CCDC88C: variants seen among roughly 807,000 people sequenced by gnomAD.
CCDC88C encodes the protein coiled-coil and HOOK domain protein 88C, also known as protein Daple.
Under a neutral mutation model 198.8 loss-of-function variants are expected in CCDC88C, and 131 were observed. That is an observed-to-expected ratio of 0.66 (90% CI 0.57 to 0.76). The LOEUF is 0.76. Among genes scored for constraint, CCDC88C ranks in the 30% least tolerant of loss-of-function variants. The probability of loss-of-function intolerance (pLI) is 0.00; values close to 1 mark genes in which losing one functional copy is unlikely to be tolerated. For synonymous variants in CCDC88C, 1,166 were observed against 1,114.7 expected (o/e 1.05, Z -0.92); for missense variants, 2,553 against 2,631.6 (o/e 0.97, Z 0.65).
In CCDC88C at chr14:91,349,678, T is replaced by C. The variant is rs543865506; in HGVS notation, c.341-6021A>G. On this transcript the variant is annotated intron_variant, in intron 4 of 29. Transcript: ENST00000389857. Reference sequence around the variant, plus strand: ...CTAAGAAAAACCTTACCTTACTACCTGCTTCCTGGAGTCTTGACACAAAGA... The same window carrying C: ...CTAAGAAAAACCTTACCTTACTACCCGCTTCCTGGAGTCTTGACACAAAGA... Among the ~76,000 whole-genome samples, 192 of 152,320 alleles carry C rather than the reference T, an allele frequency of 1.3e-3. 1 individual carries two copies. Among genetic ancestry groups the C allele is most frequent in the African/African-American group, 4.5e-3 (188 of 41,570 alleles).
intron 20 of CCDC88C, among the ~76,000 whole-genome samples, chr14:91,300,341 C>G (rs997328382): frequency 1.3e-5 from 2 of 152,206 alleles, no homozygotes; most frequent in Non-Finnish European, 2.9e-5. Flanking sequence ...ATAAAGCAGT[C>G]GCTCTTCCTT....
chr14:91,358,798 C>T (rs1250223999), intron 4 of CCDC88C, among the ~76,000 whole-genome samples: 8 of 152,036 alleles, frequency 5.3e-5, no homozygotes, highest in African/African-American at 1.2e-4. Flanking sequence ...CCACTGCGCT[C>T]GGCCTCATTG....
Position 91,303,688 on chromosome 14 carries a change from C to T in CCDC88C, c.3635+13G>A. ...TACCCCTCCCCAGATCCCCTTCCTT[C>T]CCCAGGCCCTACCTCTCCCCGAGCT... On this transcript the variant is annotated intron_variant, in intron 20 of 29. Coordinates refer to ENST00000389857, the MANE Select transcript of CCDC88C (RefSeq NM_001080414.4). 1 of 1,558,484 alleles carries T rather than the reference C, an allele frequency of 6.4e-7. No homozygotes were observed. Among genetic ancestry groups the T allele is most frequent in the Non-Finnish European group, 8.7e-7 (1 of 1,149,092 alleles).
Position 91,284,073 on chromosome 14 carries a change from C to T in CCDC88C, c.4442-556G>A, listed in dbSNP as rs1890308133. ...TTTTTACCTTGTGTCTTGTGCTTTT[C>T]TGAAATCTCTAACTTTTCTACCATG... On this transcript the variant is annotated intron_variant, in intron 25 of 29. Transcript: ENST00000389857. The surrounding 1 kb of genome is among the most constrained non-coding windows in gnomAD (Gnocchi z 4.1). Among the ~76,000 whole-genome samples, 1 of 152,182 alleles carries T rather than the reference C, an allele frequency of 6.6e-6. No homozygotes were observed. The highest frequency in any genetic ancestry group is 2.1e-4 in the South Asian group (1 of 4,826).
Position 91,313,910 on chromosome 14 carries a change from C to T in CCDC88C, c.1906G>A (p.Glu636Lys). 2 of 1,611,850 alleles carry T rather than the reference C, an allele frequency of 1.2e-6. No homozygotes were observed. The highest frequency in any genetic ancestry group is 1.7e-6 in the Non-Finnish European group (2 of 1,179,692). The change falls in exon 15 of 30, where the codon GAG becomes AAG. Residue 636 changes from glutamate (E) to lysine (K), a missense_variant. By Grantham distance (56) the Glu-to-Lys change is moderately conservative (BLOSUM62 1). Around this residue, in one of 2 missense-constraint regions of CCDC88C, gnomAD observed 1,260 missense variants for 1,412.0 expected, o/e 0.89. Coordinates refer to ENST00000389857, the MANE Select transcript of CCDC88C (RefSeq NM_001080414.4). This position sits in a 1 kb window ranked among gnomAD's most constrained non-coding sequence, Gnocchi z 5.2. ...TTCTCCTCCTGGAGTCGCTGTAGCT[C>T]CCTCTCCAGCTTCTCTGCCCGCTCC... is the stretch of plus-strand genomic sequence containing the variant. ...KGERAEKLER[E>K]LQRLQEENGR... is the part of the protein sequence containing the mutation.
chr14:91,406,763 T>C (rs1285833), intron 3 of CCDC88C, among the ~76,000 whole-genome samples: 38,923 of 152,126 alleles, frequency 0.26, 5,846 homozygotes, highest in East Asian at 0.49. Flanking sequence ...GACAGCACCA[T>C]TGCCTTTACC....
intron 3 of CCDC88C, among the ~76,000 whole-genome samples, chr14:91,369,656 T>C (rs1206530868): frequency 6.6e-6 from 1 of 152,202 alleles, no homozygotes; most frequent in Admixed American, 6.5e-5. Context: ...TGTAACTCCA[T>C]CTGCACAAGA....
At chr14:91,332,799 TGCAGA>T (rs1179082281) in intron 10 of CCDC88C, among the ~76,000 whole-genome samples, 1 of 152,180 alleles carries the variant, frequency 6.6e-6, no homozygotes, top group South Asian at 2.1e-4. Flanking sequence ...GCCTTGTAAC[TGCAGA>T]GCAAAGAGTG....
intron 20 of CCDC88C, among the ~76,000 whole-genome samples, chr14:91,300,658 G>A (rs112576558): frequency 3.9e-5 from 6 of 152,046 alleles, no homozygotes; most frequent in Non-Finnish European, 8.8e-5. Flanking sequence ...CTCCTCAGGC[G>A]CCTTAGCCAC....
chr14:91,337,801 C>T (rs541798225), intron 10 of CCDC88C, among the ~76,000 whole-genome samples: 122 of 152,336 alleles, frequency 8.0e-4, no homozygotes, highest in African/African-American at 2.8e-3. Context: ...CAATTACACT[C>T]CTTACCCTCC....
intron 3 of CCDC88C, among the ~76,000 whole-genome samples, chr14:91,366,507 A>AT (rs561651033): frequency 1.9e-3 from 278 of 148,836 alleles, no homozygotes; most frequent in Admixed American, 4.7e-3. Context: ...ATAAAAAAAA[A>AT]CAAGAAACAA....
chr14:91,372,542 C>CG (rs1220900992), intron 3 of CCDC88C, among the ~76,000 whole-genome samples: 169 of 16,138 alleles, frequency 0.01, 4 homozygotes, highest in Non-Finnish European at 0.02. Flanking sequence ...GGGGGGCGGG[C>CG]GGGGGGGGGA....
chr14:91,405,550 A>C (rs1482949037), intron 3 of CCDC88C, among the ~76,000 whole-genome samples: 1 of 152,140 alleles, frequency 6.6e-6, no homozygotes, highest in African/African-American at 2.4e-5. Flanking sequence ...GGTGGGAGGG[A>C]AAAAAGGCAG....
At chr14:91,299,710 G>C (rs1364006319) in intron 21 of CCDC88C, among the ~76,000 whole-genome samples, 1 of 152,242 alleles carries the variant, frequency 6.6e-6, no homozygotes, top group Non-Finnish European at 1.5e-5. Context: ...ACTTAACTCA[G>C]ACGACGCGCC....
At chr14:91,306,044 G>A in intron 18 of CCDC88C, 118 bp from the exon 19 acceptor site, 2 of 980,144 alleles carry the variant, frequency 2.0e-6, no homozygotes, top group Non-Finnish European at 3.1e-6. Context: ...CAAATCGAGG[G>A]TCCGCTGGAT....
Position 91,308,479 on chromosome 14 carries a change from A to G in CCDC88C, c.2878T>C (p.Leu960=). The G allele has an allele frequency of 6.2e-7, 1 of 1,613,832 alleles. No homozygotes were observed. Among genetic ancestry groups the G allele is most frequent in the Non-Finnish European group, 8.5e-7 (1 of 1,179,842 alleles). The change falls in exon 17 of 30, where the codon TTG becomes CTG. Residue 960 remains leucine, a synonymous_variant. Transcript: ENST00000389857. Reference sequence around the variant, plus strand: ...AATGCTGATTCATTTCTGCCCTCCAAAATCTTGTATTTTCTGGAAAACACA... The same window carrying G: ...AATGCTGATTCATTTCTGCCCTCCAGAATCTTGTATTTTCTGGAAAACACA... ...DSGSDTKYKI[L]EGRNESALKT...
At chr14:91,349,164 C>T (rs550216551) in intron 4 of CCDC88C, among the ~76,000 whole-genome samples, 2 of 152,328 alleles carry the variant, frequency 1.3e-5, no homozygotes, top group Admixed American at 1.3e-4. Flanking sequence ...AACCTACAGA[C>T]AGCTCCCTGC....
chr14:91,285,764 G>A (rs773745063), intron 25 of CCDC88C: 1 of 1,289,092 alleles, frequency 7.8e-7, no homozygotes. Flanking sequence ...AGAGAGAGCT[G>A]GGTGGGTCGT....
At chr14:91,346,073 G>A (rs1893532395) in intron 4 of CCDC88C, among the ~76,000 whole-genome samples, 1 of 152,220 alleles carries the variant, frequency 6.6e-6, no homozygotes, top group Non-Finnish European at 1.5e-5. Context: ...GTCAAAGACT[G>A]CCGGGATGAA....
Sources: allele counts gnomAD v4.1 joint callset (sites outside exome capture counted in the v4.1 genomes callset), GRCh38; gene constraint gnomAD v4.1.1; regional missense constraint gnomAD v4.1.1; non-coding constraint Gnocchi (gnomAD v3.1); transcripts MANE v1.5; gene names NCBI Gene and HGNC (gene_info 2026-07-23, HGNC 2026-07-21).